Variants in ERCC5 observed in about 807,000 individuals in gnomAD.
The protein encoded by ERCC5 is DNA excision repair protein ERCC-5.
In ERCC5, 68 loss-of-function variants were observed where a neutral mutation model predicts 105.6. That is an observed-to-expected ratio of 0.64 (90% CI 0.53 to 0.79). ERCC5 has a LOEUF of 0.79. Among genes scored for constraint, ERCC5 ranks in the 30% least tolerant of loss-of-function variants. ERCC5 has a pLI of 0.00. For missense variants in ERCC5, 1,373 were observed against 1,426.7 expected, an observed-to-expected ratio of 0.96 and a Z score of 0.61; for synonymous variants, 546 against 526.2, an observed-to-expected ratio of 1.04 and a Z score of -0.51.
At position 102,862,455 on chromosome 13, in the gene ERCC5, G is replaced by A. The variant is rs772289174; in HGVS notation, c.1306G>A (p.Asp436Asn). 2 of 1,614,032 alleles carry A rather than the reference G, an allele frequency of 1.2e-6. No individual in the cohort carries two copies. The highest frequency in any genetic ancestry group is 1.7e-6 in the Non-Finnish European group (2 of 1,180,048). ...CAGTGATGAAGGACTTAAAGTGAGA[G>A]ATGGAAAAGGAATACCGTTTACTGC... ...ENSDEGLKVR[D>N]GKGIPFTATL... The change falls in exon 8 of 15, where the codon GAT becomes AAT. Residue 436 changes from aspartate to asparagine, a missense_variant. This residue lies in a region of ERCC5 where 1,004 missense variants were observed against 1,059.7 expected (regional missense o/e 0.95). Transcript: ENST00000652225.
Position 102,872,098 on chromosome 13 carries a change from A to G in ERCC5, c.2679-100A>G, listed in dbSNP as rs186879396. 1.0e-4 allele frequency: 145 copies of G among 1,383,006 alleles called. No individual in the cohort carries two copies. In the African/African-American group the frequency reaches 1.8e-3, roughly 18 times the overall value. The allele number at this position is 1,383,006 out of a possible 1,614,324, so 85.7% of individuals were successfully genotyped here. A position where few individuals can be genotyped will look rare whatever the true frequency, so the allele number is the denominator to read the frequency against. Reference sequence around the variant, plus strand: ...TTCTATATAGCATACAATTTGAGTTAGAACTTGAGTTTACATGTTCTAAGT... The same window carrying G: ...TTCTATATAGCATACAATTTGAGTTGGAACTTGAGTTTACATGTTCTAAGT... On this transcript the variant is annotated intron_variant, in intron 12 of 14. Transcript: ENST00000652225.
chr13:102,846,049 C>G lies in ERCC5; in HGVS notation c.-218C>G, dbSNP rs569999373. 8.6e-5 allele frequency: 49 copies of G among 571,858 alleles called. No individual in the cohort carries two copies. The African/African-American group carries it at 9.0e-4, about 10-fold the overall frequency. The allele number at this position is 571,858 out of a possible 1,614,324, so 35.4% of individuals were successfully genotyped here. ...CTGTCTTTCTTCCGGGAGGCGGTGA[C>G]AGCTGCTGAGACGTGTTGCAGCCAG... is the stretch of plus-strand genomic sequence containing the variant. On this transcript the variant is annotated 5_prime_UTR_variant, in exon 1 of 15. Coordinates refer to ENST00000652225, the MANE Select transcript of ERCC5 (RefSeq NM_000123.4).
chr13:102,846,218 G>A lies in ERCC5; in HGVS notation c.-49G>A, dbSNP rs1350592852. On this transcript the variant is annotated 5_prime_UTR_variant, in exon 1 of 15. Coordinates refer to ENST00000652225, the MANE Select transcript of ERCC5 (RefSeq NM_000123.4). ...GGCGGCGGTGCAGTCCGTCGTAGAA[G>A]AATTAGAGTAGAAGTTGTCGGGGTC... 1.3e-6 allele frequency: 2 copies of A among 1,514,818 alleles called. No homozygotes were observed. The highest frequency in any genetic ancestry group is 1.8e-6 in the Non-Finnish European group (2 of 1,098,074). 93.8% of individuals were successfully genotyped at this position (1,514,818 alleles called of 1,614,324 possible).
chr13:102,875,827 T>C lies in ERCC5; in HGVS notation c.3485T>C (p.Leu1162Pro). Residue 1162 changes from leucine to proline, a missense_variant, in exon 15 of 15, where the codon CTC (leucine) becomes CCC (proline). Coordinates refer to ENST00000652225, the MANE Select transcript of ERCC5 (RefSeq NM_000123.4). ...DDDGGKEKMV[L>P]VTARSVFGKK... is the part of the protein sequence containing the mutation. ...GATGGAGGGAAAGAGAAGATGGTCC[T>C]CGTGACCGCCAGATCTGTGTTTGGG... The C allele has an allele frequency of 6.2e-7, 1 of 1,613,454 alleles. No individual in the cohort carries two copies. Among genetic ancestry groups the C allele is most frequent in the Non-Finnish European group, 8.5e-7 (1 of 1,180,000 alleles).
rs951766645 is a variant in ERCC5 at position 102,862,234 on chromosome 13, A to G, written c.1085A>G (p.Glu362Gly). The G allele has an allele frequency of 6.2e-7, 1 of 1,614,070 alleles. No individual in the cohort carries two copies. The highest frequency in any genetic ancestry group is 2.2e-5 in the East Asian group (1 of 44,884). ...LLGSSSEEEL[E>G]SENRRQARGR... ...GGAAGTAGCTCAGAAGAGGAGCTGGAGAGTGAAAATCGAAGGCAGGCCCGT... is the reference window on the plus strand; with the variant it reads ...GGAAGTAGCTCAGAAGAGGAGCTGGGGAGTGAAAATCGAAGGCAGGCCCGT... Residue 362 changes from glutamate (E) to glycine (G), a missense_variant, in exon 8 of 15, where the codon GAG becomes GGG. Glu to Gly is a moderately conservative substitution (Grantham distance 98). Coordinates refer to ENST00000652225, the MANE Select transcript of ERCC5 (RefSeq NM_000123.4).
intron 12 of ERCC5, among the ~76,000 whole-genome samples, chr13:102,869,851 G>T (rs1050045509): frequency 4.6e-5 from 7 of 152,120 alleles, no homozygotes; most frequent in Non-Finnish European, 1.5e-5. Context: ...GACGGTTTGT[G>T]TTTCTGATTT....
In ERCC5 at chr13:102,866,317, C is replaced by T; in HGVS notation, c.2255C>T (p.Ala752Val). 6.2e-7 allele frequency: 1 copy of T among 1,614,182 alleles called. No homozygotes were observed. The highest frequency in any genetic ancestry group is 8.5e-7 in the Non-Finnish European group (1 of 1,180,026). ...TTAGCACAGCAGAATTCACTGAAAG[C>T]TCAAAAACAGCAGCAAGAACGGATC... ...NLLAQQNSLK[A>V]QKQQQERIAA... is the part of the protein sequence containing the mutation. Residue 752 changes from alanine (A) to valine (V), a missense_variant, in exon 10 of 15, where the codon GCT becomes GTT. Transcript: ENST00000652225.
At position 102,861,557 on chromosome 13, in the gene ERCC5, C is replaced by G. The variant is rs1882618438; in HGVS notation, c.723C>G (p.Asn241Lys). ...AACTCAAAGGCTTGCTTAAAAAGAACTATCTGAACCAGCATATAGAACATG... is the reference window on the plus strand; with the variant it reads ...AACTCAAAGGCTTGCTTAAAAAGAAGTATCTGAACCAGCATATAGAACATG... Reference protein sequence around the residue: ...QYQLKGLLKKNYLNQHIEHVQ... With the variant: ...QYQLKGLLKKKYLNQHIEHVQ... The change falls in exon 7 of 15, where the codon AAC becomes AAG. Residue 241 changes from asparagine (N) to lysine (K), a missense_variant. Asn to Lys is a moderately conservative substitution (Grantham distance 94). Coordinates refer to ENST00000652225, the MANE Select transcript of ERCC5 (RefSeq NM_000123.4). The G allele has an allele frequency of 6.2e-7, 1 of 1,613,984 alleles. No homozygotes were observed. The highest frequency in any genetic ancestry group is 1.7e-5 in the Admixed American group (1 of 60,004).
At chr13:102,854,252 C>G in intron 3 of ERCC5, 36 bp from the exon 4 acceptor site, 1 of 1,608,918 alleles carries the variant, frequency 6.2e-7, no homozygotes. Context: ...TGAGCAGGGT[C>G]TGCATAATCT....
At chr13:102,869,777 A>C (rs1013328688) in intron 12 of ERCC5, among the ~76,000 whole-genome samples, 6 of 152,228 alleles carry the variant, frequency 3.9e-5, no homozygotes, top group Non-Finnish European at 7.3e-5. Context: ...AATAAGTGAA[A>C]TAGTATCTGA....
chr13:102,849,086 C>T (rs1451908696), intron 1 of ERCC5: 2 of 510,602 alleles, frequency 3.9e-6, no homozygotes, highest in African/African-American at 3.9e-5. Flanking sequence ...TAATTTAATC[C>T]TATGTAATAG....
intron 6 of ERCC5, among the ~76,000 whole-genome samples, chr13:102,859,688 G>A (rs1882550714): frequency 6.6e-6 from 1 of 152,214 alleles, no homozygotes; most frequent in Non-Finnish European, 1.5e-5. Flanking sequence ...GTGGTGTGGA[G>A]TAGCAGCTTA....
intron 12 of ERCC5, among the ~76,000 whole-genome samples, chr13:102,870,223 C>T (rs1434073302): frequency 6.6e-6 from 1 of 152,154 alleles, no homozygotes; most frequent in Non-Finnish European, 1.5e-5. Context: ...GTATTCTTCT[C>T]TTGAGCTTTA....
chr13:102,859,087 G>C, intron 6 of ERCC5: 1 of 342,844 alleles, frequency 2.9e-6, no homozygotes, highest in Non-Finnish European at 5.9e-6. Flanking sequence ...TGTGTCTCCT[G>C]ATCATGCTGC....
chr13:102,861,271 G>A (rs1309697481), intron 6 of ERCC5, among the ~76,000 whole-genome samples: 1 of 152,088 alleles, frequency 6.6e-6, no homozygotes. Context: ...TTACAGGCAT[G>A]AGCCACCGCA....
intron 1 of ERCC5, chr13:102,849,100 G>A (rs770916427): frequency 1.9e-6 from 1 of 517,720 alleles, no homozygotes; most frequent in Non-Finnish European, 3.9e-6. Flanking sequence ...GTAATAGTGA[G>A]CTTCATGGCT....
chr13:102,861,924 T>G, intron 7 of ERCC5, 106 bp from the exon 8 acceptor site: 1 of 1,487,334 alleles, frequency 6.7e-7, no homozygotes, highest in Non-Finnish European at 9.3e-7. Flanking sequence ...TAAATGAAAA[T>G]GTATATACTT....
At chr13:102,860,076 C>T (rs1174129210) in intron 6 of ERCC5, among the ~76,000 whole-genome samples, 2 of 152,248 alleles carry the variant, frequency 1.3e-5, no homozygotes, top group East Asian at 1.9e-4. Flanking sequence ...GAGTAGCTGT[C>T]GCGGTGATCA....
chr13:102,863,561 A>T (rs1882725028), intron 8 of ERCC5, among the ~76,000 whole-genome samples: 1 of 152,114 alleles, frequency 6.6e-6, no homozygotes, highest in Non-Finnish European at 1.5e-5. Flanking sequence ...TATACCATTG[A>T]TCCTCATTAT....
Sources: allele counts gnomAD v4.1 joint callset (sites outside exome capture counted in the v4.1 genomes callset), GRCh38; gene constraint gnomAD v4.1.1; regional missense constraint gnomAD v4.1.1; transcripts MANE v1.5; gene names NCBI Gene and HGNC (gene_info 2026-07-23, HGNC 2026-07-21).